WDPCP: variants seen among roughly 807,000 people sequenced by gnomAD.
WDPCP encodes the protein WD repeat containing planar cell polarity effector.
In WDPCP, 71 loss-of-function variants were observed where a neutral mutation model predicts 93.1. That is an observed-to-expected ratio of 0.76 (90% CI 0.63 to 0.93). The LOEUF is 0.93. Ranked by LOEUF, WDPCP falls within the 40% of genes least tolerant of loss-of-function variation. The pLI is 0.00. For synonymous variants in WDPCP, 315 were observed against 315.0 expected (o/e 1.00, Z 0.00); for missense variants, 844 against 887.4 (o/e 0.95, Z 0.62).
At chr2:63,394,375 C>CT (rs1333784175) in intron 10 of WDPCP, among the ~76,000 whole-genome samples, 2 of 103,316 alleles carry the variant, frequency 1.9e-5, no homozygotes, top group African/African-American at 3.2e-5. Flanking sequence ...TATTAATAAG[C>CT]TAAAAAAAAA....
intron 12 of WDPCP, among the ~76,000 whole-genome samples, chr2:63,359,391 A>T (rs1284803532): frequency 6.6e-6 from 1 of 152,256 alleles, no homozygotes; most frequent in Non-Finnish European, 1.5e-5. Flanking sequence ...GAGAGCATAA[A>T]GATAGAACAT....
intron 2 of WDPCP, among the ~76,000 whole-genome samples, chr2:63,756,466 T>C (rs903593265): frequency 2.6e-5 from 4 of 152,216 alleles, no homozygotes; most frequent in African/African-American, 9.6e-5. Flanking sequence ...TCTTGATTCA[T>C]GATAAAAAAC....
At position 63,398,505 on chromosome 2, in the gene WDPCP, C is replaced by T. The variant is rs559464564; in HGVS notation, c.1435+5543G>A. Among the ~76,000 whole-genome samples, 5 of 152,196 alleles carry T rather than the reference C, an allele frequency of 3.3e-5. No homozygotes were observed. The East Asian group carries it at 5.8e-4, about 18-fold the overall frequency. ...TGACAAGAATGATGGACTTTTAATG[C>T]CCAACACATTTGTGTGATCATTGTA... On this transcript the variant is annotated intron_variant, in intron 10 of 17. Coordinates refer to ENST00000272321, the MANE Select transcript of WDPCP (RefSeq NM_015910.7).
chr2:63,372,401 G>C (rs1260626734), intron 12 of WDPCP, among the ~76,000 whole-genome samples: 1 of 152,072 alleles, frequency 6.6e-6, no homozygotes, highest in Non-Finnish European at 1.5e-5. Flanking sequence ...TTTGCCCTTT[G>C]CCATATTCCT....
At chr2:63,300,476 A>G (rs1685243966) in intron 13 of WDPCP, among the ~76,000 whole-genome samples, 1 of 152,278 alleles carries the variant, frequency 6.6e-6, no homozygotes, top group South Asian at 2.1e-4. Context: ...GGGCAAATGA[A>G]TATTTCTTCT....
intron 2 of WDPCP, among the ~76,000 whole-genome samples, chr2:63,714,172 G>A (rs916187105): frequency 2.0e-5 from 3 of 150,014 alleles, no homozygotes; most frequent in African/African-American, 7.4e-5. Flanking sequence ...TCTTCCGCCT[G>A]AGCCTCCCGA....
intron 2 of WDPCP, among the ~76,000 whole-genome samples, chr2:63,736,505 C>CT (rs1391881882): frequency 2.6e-5 from 4 of 152,118 alleles, no homozygotes; most frequent in East Asian, 3.9e-4. Context: ...TAATACCAAA[C>CT]TTTTTTTTAT....
At chr2:63,377,617 T>C (rs1265695928) in intron 12 of WDPCP, among the ~76,000 whole-genome samples, 1 of 151,552 alleles carries the variant, frequency 6.6e-6, no homozygotes, top group Non-Finnish European at 1.5e-5. Context: ...TTAGAGGCTA[T>C]TATATGCTTA....
At chr2:63,333,742 A>G (rs1688151276) in intron 12 of WDPCP, among the ~76,000 whole-genome samples, 1 of 152,198 alleles carries the variant, frequency 6.6e-6, no homozygotes, top group Non-Finnish European at 1.5e-5. Flanking sequence ...TAAAATATAT[A>G]AAACCAAGCT....
chr2:63,533,615 G>T (rs779064979), intron 1 of WDPCP, among the ~76,000 whole-genome samples: 1 of 152,032 alleles, frequency 6.6e-6, no homozygotes, highest in Non-Finnish European at 1.5e-5. Flanking sequence ...TAACTACTGG[G>T]TACATAACGA....
chr2:63,475,731 G>A (rs947032975), intron 6 of WDPCP, among the ~76,000 whole-genome samples: 8 of 152,068 alleles, frequency 5.3e-5, no homozygotes, highest in Admixed American at 3.3e-4. Flanking sequence ...AATTTTTAGG[G>A]AAATAAACTT....
intron 2 of WDPCP, among the ~76,000 whole-genome samples, chr2:63,702,811 G>C (rs1282720181): frequency 6.6e-6 from 1 of 151,416 alleles, no homozygotes; most frequent in East Asian, 1.9e-4. Context: ...ATGTTGGTGT[G>C]CTGCACCGAT....
At chr2:63,302,439 C>T (rs1685402181) in intron 13 of WDPCP, among the ~76,000 whole-genome samples, 1 of 152,036 alleles carries the variant, frequency 6.6e-6, no homozygotes, top group African/African-American at 2.4e-5. Context: ...GGTGTTTTTC[C>T]TTCTTTCATG....
intron 2 of WDPCP, chr2:63,752,118 G>T: frequency 1.6e-6 from 1 of 608,766 alleles, no homozygotes; most frequent in South Asian, 1.7e-5. Flanking sequence ...CACAGGTGTG[G>T]CCATTCACAC....
rs1019117739 is a variant in WDPCP at position 63,595,619 on chromosome 2, T to C, written n.488+55040A>G. 10 of 720,392 alleles carry C rather than the reference T, an allele frequency of 1.4e-5. No individual in the cohort carries two copies. The African/African-American group carries it at 1.4e-4, about 10-fold the overall frequency. The allele number at this position is 720,392 out of a possible 1,614,324, so 44.6% of individuals were successfully genotyped here. On this transcript the variant is annotated intron_variant and non_coding_transcript_variant, in intron 3 of 4. Transcript: ENST00000467687. ...AGGCTCTCAATTAGAAATTATTTCA[T>C]AAGAGGATTTTTTTATTTTGAACTA...
chr2:63,390,203 A>G (rs1181415882), intron 10 of WDPCP, among the ~76,000 whole-genome samples: 1 of 152,252 alleles, frequency 6.6e-6, no homozygotes, highest in African/African-American at 2.4e-5. Context: ...TGTCTCTCAG[A>G]CCACAGTGCA....
chr2:63,750,488 A>G (rs1669863615), intron 2 of WDPCP, among the ~76,000 whole-genome samples: 1 of 151,876 alleles, frequency 6.6e-6, no homozygotes. Flanking sequence ...TATTCTCCCC[A>G]CTGCTGCCTG....
intron 3 of WDPCP, chr2:63,594,757 T>A: frequency 5.5e-6 from 3 of 545,456 alleles, no homozygotes; most frequent in Non-Finnish European, 9.7e-6. Context: ...TATGTACGCC[T>A]CCAGGCACTG....
At chr2:63,652,213 T>C (rs1710117441) in intron 2 of WDPCP, among the ~76,000 whole-genome samples, 1 of 152,196 alleles carries the variant, frequency 6.6e-6, no homozygotes, top group African/African-American at 2.4e-5. Flanking sequence ...ATAAGCTCCC[T>C]GGCCACCCAC....
Sources: allele counts gnomAD v4.1 joint callset (sites outside exome capture counted in the v4.1 genomes callset), GRCh38; gene constraint gnomAD v4.1.1; transcripts MANE v1.5; gene names NCBI Gene and HGNC (gene_info 2026-07-23, HGNC 2026-07-21).